DEFB132: variants seen among roughly 807,000 people sequenced by gnomAD.
The protein encoded by DEFB132 is beta-defensin 132.
Under a neutral mutation model 2.5 loss-of-function variants are expected in DEFB132, and 5 were observed. That is an observed-to-expected ratio of 2.00 (90% CI 1.04 to 4.20). DEFB132 has a LOEUF of 4.20. DEFB132 is among the 30% of genes most tolerant of loss of function. The probability of loss-of-function intolerance (pLI) is 0.00; values close to 1 mark genes in which losing one functional copy is unlikely to be tolerated. For missense variants in DEFB132, 112 were observed against 110.0 expected, an observed-to-expected ratio of 1.02 and a Z score of -0.08; for synonymous variants, 53 against 46.2, an observed-to-expected ratio of 1.15 and a Z score of -0.60.
chr20:259,292 A>T lies in DEFB132; in HGVS notation c.274A>T (p.Thr92Ser), dbSNP rs1315737942. ...TQRKDKKQQT[T>S]VTS ...AAGGAAAGACAAGAAGCAACAAACG[A>T]CCGTAACATCATAATAACCACTGCT... The change falls in exon 2 of 2, where the codon ACC becomes TCC. Residue 92 changes from threonine to serine, a missense_variant. Coordinates refer to ENST00000382376, the MANE Select transcript of DEFB132 (RefSeq NM_207469.3). The T allele has an allele frequency of 1.2e-6, 2 of 1,613,954 alleles. No individual in the cohort carries two copies. The highest frequency in any genetic ancestry group is 1.7e-6 in the Non-Finnish European group (2 of 1,180,004).
rs2011616848 is a variant in DEFB132, at chr20:259,336, G to A, written c.*30G>A. The A allele has an allele frequency of 6.2e-7, 1 of 1,606,468 alleles. No homozygotes were observed. The highest frequency in any genetic ancestry group is 1.3e-5 in the African/African-American group (1 of 74,718). ...CACTGCTATCGCCTCCACCAACTCA[G>A]AGAAATATCATTTCCACAGTTCCAA... On this transcript the variant is annotated 3_prime_UTR_variant, in exon 2 of 2. Transcript: ENST00000382376.
Position 259,526 on chromosome 20 carries a change from G to T in DEFB132, c.*220G>T, listed in dbSNP as rs1017415991. Reference sequence around the variant, plus strand: ...CAATCATCATGCAGATTCGTCCACAGGGGATCTGTCAGTTTGGGTCCTCCA... The same window carrying T: ...CAATCATCATGCAGATTCGTCCACATGGGATCTGTCAGTTTGGGTCCTCCA... On this transcript the variant is annotated 3_prime_UTR_variant, in exon 2 of 2. Coordinates refer to ENST00000382376, the MANE Select transcript of DEFB132 (RefSeq NM_207469.3). The T allele has an allele frequency of 3.5e-6, 2 of 568,024 alleles. No homozygotes were observed. Among genetic ancestry groups the T allele is most frequent in the Non-Finnish European group, 6.2e-6 (2 of 320,454 alleles). 35.2% of individuals were successfully genotyped at this position (568,024 alleles called of 1,614,324 possible).
Position 259,149 on chromosome 20 carries a change from C to T in DEFB132, c.131C>T (p.Thr44Ile). ...YCRTCCHWGE[T>I]ALFMCNASRK... ...AGGACATGTTGCCACTGGGGGGAGA[C>T]AGCATTGTTCATGTGCAACGCTTCC... The change falls in exon 2 of 2, where the codon ACA becomes ATA. Residue 44 changes from threonine (T) to isoleucine (I), a missense_variant. Transcript: ENST00000382376. 3 of 1,614,188 alleles carry T rather than the reference C, an allele frequency of 1.9e-6. No homozygotes were observed. The highest frequency in any genetic ancestry group is 1.7e-6 in the Non-Finnish European group (2 of 1,180,044).
intron 1 of DEFB132, 54 bp from the exon 2 acceptor site, chr20:259,023 T>C (rs420525): frequency 0.61 from 950,650 of 1,570,616 alleles, 289,229 homozygotes; most frequent in African/African-American, 0.69. Flanking sequence ...GACGCTTTAG[T>C]AGCCCTGTGC....
At chr20:257,894 G>C in intron 1 of DEFB132, 58 bp downstream of exon 1, 2 of 1,556,976 alleles carry the variant, frequency 1.3e-6, no homozygotes, top group Non-Finnish European at 1.8e-6. Flanking sequence ...TAGCATATCT[G>C]GTTGCTCTGG....
At position 259,143 on chromosome 20, in the gene DEFB132, G is replaced by A. The variant is rs762791612; in HGVS notation, c.125G>A (p.Gly42Glu). 2 of 1,614,182 alleles carry A rather than the reference G, an allele frequency of 1.2e-6. No homozygotes were observed. Among genetic ancestry groups the A allele is most frequent in the Non-Finnish European group, 1.7e-6 (2 of 1,180,046 alleles). Residue 42 changes from glycine (G) to glutamate (E), a missense_variant, in exon 2 of 2, where the codon GGG becomes GAG. Gly to Glu is a moderately conservative substitution (Grantham distance 98, BLOSUM62 -2). Coordinates refer to ENST00000382376, the MANE Select transcript of DEFB132 (RefSeq NM_207469.3). ...PGYCRTCCHWGETALFMCNAS... is the reference protein window; with the variant it reads ...PGYCRTCCHWEETALFMCNAS... ...TACTGCAGGACATGTTGCCACTGGG[G>A]GGAGACAGCATTGTTCATGTGCAAC...
chr20:260,347 G>A lies in DEFB132; in HGVS notation c.*1041G>A, dbSNP rs1240529933. On this transcript the variant is annotated 3_prime_UTR_variant, in exon 2 of 2. Transcript: ENST00000382376. ...TCCATATAATATTATTTAAAATGCT[G>A]AGAAAATGAAAAAATCTAAATGGTG... 3 of 152,048 alleles carry A rather than the reference G, an allele frequency of 2.0e-5. No homozygotes were observed. The highest frequency in any genetic ancestry group is 4.4e-5 in the Non-Finnish European group (3 of 68,020). The allele number at this position is 152,048 out of a possible 1,614,324, so 9.4% of individuals were successfully genotyped here.
Position 257,823 on chromosome 20 carries a change from C to G in DEFB132, c.45C>G (p.Thr15=). 6.2e-7 allele frequency: 1 copy of G among 1,609,004 alleles called. No individual in the cohort carries two copies. The highest frequency in any genetic ancestry group is 8.5e-7 in the Non-Finnish European group (1 of 1,176,324). The part of the protein sequence containing the change: ...LLVLAALGFL[T]QVIPASAGGS... ...TCTTGGCAGCCCTCGGATTCCTGAC[C>G]CAGGTGATCCCAGGTAAACTGGATA... The change falls in exon 1 of 2, where the codon ACC becomes ACG. Residue 15 remains threonine, a synonymous_variant. Transcript: ENST00000382376.
At chr20:257,857 G>C (rs1187174443) in intron 1 of DEFB132, 21 bp downstream of exon 1, 1 of 1,600,462 alleles carries the variant, frequency 6.2e-7, no homozygotes, top group Non-Finnish European at 8.5e-7. Flanking sequence ...TAAATAGGAG[G>C]AAAGGAAAAC....
rs1181485010 is a variant in DEFB132, at chr20:260,797, G to C, written c.*1491G>C. ...AAGTAAAGTATTAAAAGATTGTGTG[G>C]TCAAATATTCAATTTAAGAGCAAGG... is the stretch of plus-strand genomic sequence containing the variant. On this transcript the variant is annotated 3_prime_UTR_variant, in exon 2 of 2. Transcript: ENST00000382376. The C allele has an allele frequency of 6.6e-6, 1 of 152,148 alleles. No individual in the cohort carries two copies. The highest frequency in any genetic ancestry group is 2.4e-5 in the African/African-American group (1 of 41,442). The allele number at this position is 152,148 out of a possible 1,614,324, so 9.4% of individuals were successfully genotyped here. A position where few individuals can be genotyped will look rare whatever the true frequency, so the allele number is the denominator to read the frequency against.
chr20:257,941 C>G, intron 1 of DEFB132, 105 bp downstream of exon 1: 2 of 1,144,612 alleles, frequency 1.7e-6, no homozygotes, highest in Non-Finnish European at 2.5e-6. Flanking sequence ...GCAGGGCTCA[C>G]CCCACTGAGT....
At chr20:259,029 T>C in intron 1 of DEFB132, 48 bp from the exon 2 acceptor site, 11 of 1,592,980 alleles carry the variant, frequency 6.9e-6, no homozygotes, top group Non-Finnish European at 9.5e-6. Flanking sequence ...TTAGTAGCCC[T>C]GTGCTGCTTC....
intron 1 of DEFB132, 134 bp downstream of exon 1, chr20:257,970 TCTC>T (rs1338727806): frequency 2.5e-6 from 2 of 802,460 alleles, no homozygotes; most frequent in South Asian, 1.9e-5. Context: ...AAGGTAGAGA[TCTC>T]CTAACAACCA....
At position 259,432 on chromosome 20, in the gene DEFB132, A is replaced by C. The variant is rs2011617820; in HGVS notation, c.*126A>C. ...GCAGATATCTATAGCCAACCCCAAAACTTCTGTCTTCTATCATTCTGTCAT... is the reference window on the plus strand; with the variant it reads ...GCAGATATCTATAGCCAACCCCAAACCTTCTGTCTTCTATCATTCTGTCAT... On this transcript the variant is annotated 3_prime_UTR_variant, in exon 2 of 2. Coordinates refer to ENST00000382376, the MANE Select transcript of DEFB132 (RefSeq NM_207469.3). The C allele has an allele frequency of 4.1e-6, 4 of 975,470 alleles. No individual in the cohort carries two copies. The highest frequency in any genetic ancestry group is 4.5e-6 in the Non-Finnish European group (3 of 670,834). 60.4% of individuals were successfully genotyped at this position (975,470 alleles called of 1,614,324 possible). A position where few individuals can be genotyped will look rare whatever the true frequency, so the allele number is the denominator to read the frequency against.
At position 259,063 on chromosome 20, in the gene DEFB132, C is replaced by G; in HGVS notation, c.59-14C>G. On this transcript the variant is annotated splice_polypyrimidine_tract_variant and intron_variant, in intron 1 of 1. Coordinates refer to ENST00000382376, the MANE Select transcript of DEFB132 (RefSeq NM_207469.3). ...TCTAACCATGACTTCTCTGTCTTGT[C>G]CTCTCCCATACAGCCAGTGCAGGTG... 1.2e-6 allele frequency: 2 copies of G among 1,613,416 alleles called. No individual in the cohort carries two copies. Among genetic ancestry groups the G allele is most frequent in the Non-Finnish European group, 1.7e-6 (2 of 1,179,470 alleles).
intron 1 of DEFB132, 81 bp from the exon 2 acceptor site, chr20:258,996 C>A: frequency 7.1e-7 from 1 of 1,400,028 alleles, no homozygotes; most frequent in Non-Finnish European, 9.9e-7. Context: ...AAAAGCCAAA[C>A]ACTCCCATCT....
chr20:259,525 A>C lies in DEFB132; in HGVS notation c.*219A>C. On this transcript the variant is annotated 3_prime_UTR_variant, in exon 2 of 2. Transcript: ENST00000382376. ...ACAATCATCATGCAGATTCGTCCAC[A>C]GGGGATCTGTCAGTTTGGGTCCTCC... The C allele has an allele frequency of 1.8e-6, 1 of 569,590 alleles. No individual in the cohort carries two copies. Among genetic ancestry groups the C allele is most frequent in the Non-Finnish European group, 3.1e-6 (1 of 321,330 alleles). The allele number at this position is 569,590 out of a possible 1,614,324, so 35.3% of individuals were successfully genotyped here. A position where few individuals can be genotyped will look rare whatever the true frequency, so the allele number is the denominator to read the frequency against.
In DEFB132 at chr20:259,340, A is replaced by G. The variant is rs1272554411; in HGVS notation, c.*34A>G. ...GCTATCGCCTCCACCAACTCAGAGA[A>G]ATATCATTTCCACAGTTCCAATTCC... On this transcript the variant is annotated 3_prime_UTR_variant, in exon 2 of 2. Transcript: ENST00000382376. 1 of 1,604,638 alleles carries G rather than the reference A, an allele frequency of 6.2e-7. No homozygotes were observed. Among genetic ancestry groups the G allele is most frequent in the East Asian group, 2.2e-5 (1 of 44,806 alleles).
chr20:258,406 A>G (rs2011604006), intron 1 of DEFB132, among the ~76,000 whole-genome samples: 1 of 152,120 alleles, frequency 6.6e-6, no homozygotes, highest in South Asian at 2.1e-4. Context: ...AGAGAGAGAG[A>G]TCAGAGGAGG....
Sources: gnomAD v4.1 joint callset for allele counts (sites outside exome capture counted in the v4.1 genomes callset) on GRCh38, gnomAD v4.1.1 for gene constraint, MANE v1.5 for transcripts, NCBI Gene and HGNC (gene_info 2026-07-23, HGNC 2026-07-21) for gene names.